The following MXI1 variants were observed in gnomAD, a reference collection of about 807,000 sequenced individuals.
MXI1 encodes max-interacting protein 1.
A neutral mutation model predicts 36.9 loss-of-function variants in MXI1; 18 were observed. That is an observed-to-expected ratio of 0.49 (90% CI 0.34 to 0.72). The LOEUF (loss-of-function observed/expected upper bound fraction) is 0.72, where lower values mean the gene tolerates loss of function less well. Ranked by LOEUF, MXI1 falls within the 30% of genes least tolerant of loss-of-function variation. The pLI, the probability that MXI1 is intolerant of heterozygous loss-of-function variation, is 0.01. For missense variants in MXI1, 304 were observed against 379.1 expected (o/e 0.80, Z 1.64); for synonymous variants, 160 against 146.7 (o/e 1.09, Z -0.65).
intron 3 of MXI1, among the ~76,000 whole-genome samples, chr10:110,263,532 GT>G (rs1856585795): frequency 6.6e-6 from 1 of 152,134 alleles, no homozygotes; most frequent in Admixed American, 6.5e-5. Flanking sequence ...AAACTCCATT[GT>G]GACTTCAAGT....
intron 3 of MXI1, among the ~76,000 whole-genome samples, chr10:110,278,809 T>C (rs894355434): frequency 2.0e-5 from 3 of 152,038 alleles, no homozygotes; most frequent in African/African-American, 4.8e-5. Context: ...TGGGGTACCA[T>C]AGCTGAAAAC....
chr10:110,249,365 A>G (rs1399288547), intron 3 of MXI1, among the ~76,000 whole-genome samples: 2 of 151,790 alleles, frequency 1.3e-5, no homozygotes, highest in Non-Finnish European at 2.9e-5. Context: ...TCTGAGTTAG[A>G]TAAGCTGGAA....
intron 1 of MXI1, among the ~76,000 whole-genome samples, chr10:110,215,563 G>A (rs1854617458): frequency 2.0e-5 from 3 of 152,076 alleles, no homozygotes; most frequent in Non-Finnish European, 4.4e-5. Context: ...GTCCCAACCT[G>A]GGCATTTGTT....
chr10:110,268,505 ATTG>A (rs1856755671), intron 3 of MXI1, among the ~76,000 whole-genome samples: 1 of 152,194 alleles, frequency 6.6e-6, no homozygotes, highest in African/African-American at 2.4e-5. Flanking sequence ...GATAATTGTA[ATTG>A]TTGTTAATCT....
chr10:110,253,270 A>G (rs992420369), intron 3 of MXI1, among the ~76,000 whole-genome samples: 3 of 151,556 alleles, frequency 2.0e-5, no homozygotes, highest in African/African-American at 7.3e-5. Flanking sequence ...TTTTTTTTCT[A>G]TACTGCCTAT....
At chr10:110,218,319 G>T (rs558600865) in intron 1 of MXI1, among the ~76,000 whole-genome samples, 1 of 151,978 alleles carries the variant, frequency 6.6e-6, no homozygotes, top group Admixed American at 6.6e-5. Context: ...GCGTGGTGGC[G>T]GGCGCCTGTA....
At chr10:110,243,645 T>C (rs1855752300) in intron 2 of MXI1, among the ~76,000 whole-genome samples, 1 of 152,168 alleles carries the variant, frequency 6.6e-6, no homozygotes, top group African/African-American at 2.4e-5. Flanking sequence ...TTCCTGTTGT[T>C]GTTAATGTTA....
chr10:110,281,914 TTTAAC>T (rs898166487), intron 5 of MXI1, among the ~76,000 whole-genome samples: 2 of 152,230 alleles, frequency 1.3e-5, no homozygotes, highest in Admixed American at 1.3e-4. Context: ...ATGTATAGCC[TTTAAC>T]TTAACAGTTT....
intron 3 of MXI1, among the ~76,000 whole-genome samples, chr10:110,272,110 C>A (rs1158543436): frequency 6.6e-6 from 1 of 152,108 alleles, no homozygotes; most frequent in Non-Finnish European, 1.5e-5. Context: ...TCCTGGAGGC[C>A]CTGGGATGTA....
intron 3 of MXI1, among the ~76,000 whole-genome samples, chr10:110,256,076 A>C (rs117274188): frequency 5.3e-5 from 8 of 152,302 alleles, no homozygotes; most frequent in Non-Finnish European, 8.8e-5. Flanking sequence ...TTTTCAACAA[A>C]TAGAGCGGAC....
At chr10:110,210,386 C>G (rs1428111441) in intron 1 of MXI1, 9 of 661,978 alleles carry the variant, frequency 1.4e-5, no homozygotes, top group East Asian at 2.7e-4. Context: ...ATTTTTAGCT[C>G]TCTTGCTTCT....
chr10:110,243,521 A>G (rs1328420282), intron 2 of MXI1, among the ~76,000 whole-genome samples: 2 of 152,080 alleles, frequency 1.3e-5, no homozygotes, highest in African/African-American at 4.8e-5. Context: ...ATATCCATTG[A>G]AATAATCAGA....
At chr10:110,214,336 C>CT (rs1048539755) in intron 1 of MXI1, among the ~76,000 whole-genome samples, 2 of 152,094 alleles carry the variant, frequency 1.3e-5, no homozygotes, top group Non-Finnish European at 2.9e-5. Flanking sequence ...ACCAGAGAGG[C>CT]TTTTTTTCTT....
chr10:110,224,186 C>T (rs558851232), intron 1 of MXI1, among the ~76,000 whole-genome samples: 2 of 152,202 alleles, frequency 1.3e-5, no homozygotes, highest in African/African-American at 4.8e-5. Flanking sequence ...CCCCCCTCAC[C>T]AGGAGCTTCC....
chr10:110,269,651 G>T (rs1467638142), intron 3 of MXI1, among the ~76,000 whole-genome samples: 3 of 152,210 alleles, frequency 2.0e-5, no homozygotes, highest in African/African-American at 7.2e-5. Context: ...TCAGTGTCTT[G>T]TAGAACATTA....
At chr10:110,244,769 C>A in intron 2 of MXI1, 59 bp from the exon 3 acceptor site, 1 of 1,457,742 alleles carries the variant, frequency 6.9e-7, no homozygotes, top group Non-Finnish European at 9.4e-7. Context: ...ACTAATCTGT[C>A]TTTCTATAGC....
chr10:110,208,180 C>T, intron 1 of MXI1, 98 bp downstream of exon 1: 1 of 1,274,010 alleles, frequency 7.8e-7, no homozygotes, highest in Non-Finnish European at 1.1e-6. Flanking sequence ...CCCCCCCCCG[C>T]CCAACATACA....
chr10:110,278,170 G>A (rs771768475), intron 3 of MXI1, among the ~76,000 whole-genome samples: 7 of 152,120 alleles, frequency 4.6e-5, no homozygotes, highest in Non-Finnish European at 8.8e-5. Flanking sequence ...CCAAAGATGT[G>A]GACTAGTATT....
rs531489186 is a variant in MXI1, at chr10:110,261,437, T to TTC, written c.437+16581_437+16582insCT. On this transcript the variant is annotated intron_variant, in intron 3 of 5. Transcript: ENST00000332674. ...TAATGACTATTCAAACCATTTTTTT[T>TTC]TTTTTTTTAACCCCTCCAAGAGAGT... Among the ~76,000 whole-genome samples, 76 of 151,884 alleles carry TTC rather than the reference T, an allele frequency of 5.0e-4. No homozygotes were observed. In the South Asian group the frequency reaches 6.5e-3, roughly 13 times the overall value.
Sources: allele counts gnomAD v4.1 joint callset (sites outside exome capture counted in the v4.1 genomes callset), GRCh38; gene constraint gnomAD v4.1.1; transcripts MANE v1.5; gene names NCBI Gene and HGNC (gene_info 2026-07-23, HGNC 2026-07-21).